Variants in SNX25 observed in about 807,000 individuals in gnomAD.
SNX25 encodes sorting nexin 25.
A neutral mutation model predicts 113.7 loss-of-function variants in SNX25; 62 were observed. The ratio of observed to expected loss-of-function variants is 0.55; its 90% confidence interval spans 0.44 to 0.67. The LOEUF is 0.67. SNX25 is among the 30% of genes least tolerant of loss of function. The pLI is 0.00. For synonymous variants in SNX25, 421 were observed against 436.2 expected, an observed-to-expected ratio of 0.97 and a Z score of 0.43; for missense variants, 1,014 against 1,161.0, an observed-to-expected ratio of 0.87 and a Z score of 1.84.
chr4:185,236,869 G>A (rs1306251758), intron 1 of SNX25, among the ~76,000 whole-genome samples: 1 of 152,132 alleles, frequency 6.6e-6, no homozygotes, highest in Non-Finnish European at 1.5e-5. Flanking sequence ...AAAGTAACTT[G>A]CCCAAGGTTA....
chr4:185,369,271 T>G (rs1461355650), intron 11 of SNX25, among the ~76,000 whole-genome samples: 1 of 132,830 alleles, frequency 7.5e-6, no homozygotes, highest in African/African-American at 3.0e-5. Flanking sequence ...CAGGCTGGAG[T>G]GCAGTGGTGT....
chr4:185,342,203 T>C, intron 12 of SNX25, 87 bp downstream of exon 12: 1 of 1,389,380 alleles, frequency 7.2e-7, no homozygotes, highest in Non-Finnish European at 9.5e-7. Context: ...ATTAATCTTC[T>C]TCCTTTGCTG....
the SNX25 span, chr4:185,377,060 T>C: frequency 2.5e-5 from 34 of 1,351,128 alleles, no homozygotes; most frequent in Middle Eastern, 1.8e-4. Flanking sequence ...CCACACAATA[T>C]GAATTTTCTC....
chr4:185,261,403 C>T (rs529556396), intron 3 of SNX25, among the ~76,000 whole-genome samples: 2 of 152,228 alleles, frequency 1.3e-5, no homozygotes, highest in South Asian at 4.1e-4. Context: ...TCTCGAACTC[C>T]TGACCTCAAG....
chr4:185,357,182 G>A (rs1476314986), intron 15 of SNX25, among the ~76,000 whole-genome samples: 1 of 152,176 alleles, frequency 6.6e-6, no homozygotes, highest in African/African-American at 2.4e-5. Context: ...CAAATGCGTA[G>A]TATATATAAA....
the SNX25 span, chr4:185,377,230 AATACTGGCC>A: frequency 2.0e-6 from 1 of 512,544 alleles, no homozygotes; most frequent in Non-Finnish European, 3.5e-6. Context: ...GTAATAAAGC[AATACTGGCC>A]GGGCGCGGTG....
At chr4:185,227,975 A>G (rs936595537) in intron 1 of SNX25, among the ~76,000 whole-genome samples, 3 of 152,098 alleles carry the variant, frequency 2.0e-5, no homozygotes, top group Admixed American at 1.3e-4. Context: ...AGATGAAGAG[A>G]GAAGCTCAGA....
chr4:185,297,258 A>C (rs1752966574), intron 6 of SNX25, among the ~76,000 whole-genome samples: 1 of 152,232 alleles, frequency 6.6e-6, no homozygotes, highest in South Asian at 2.1e-4. Context: ...CCACATTTCA[A>C]GTACTCAGTA....
At position 185,362,705 on chromosome 4, in the gene SNX25, G is replaced by A; in HGVS notation, c.2928G>A (p.Leu976=). Residue 976 remains leucine, a synonymous_variant, in exon 18 of 19, where the codon CTG becomes CTA. Coordinates refer to ENST00000652585, the MANE Select transcript of SNX25 (RefSeq NM_001378034.2). ...ALQETRANKH[L]LYALMELLLI... Reference sequence around the variant, plus strand: ...AAGAAACAAGAGCCAACAAGCATCTGTTATATGTGAGTAAATTAAAGCCCA... The same window carrying A: ...AAGAAACAAGAGCCAACAAGCATCTATTATATGTGAGTAAATTAAAGCCCA... The A allele has an allele frequency of 6.2e-7, 1 of 1,612,432 alleles. No individual in the cohort carries two copies. The highest frequency in any genetic ancestry group is 2.2e-5 in the East Asian group (1 of 44,848).
rs1742342900 is a variant in SNX25 at position 185,234,591 on chromosome 4, AG to A, written c.430-12702del. ...CAGCTACTCGGGAGGCTGAGGCAGG[AG>A]AATGGCGTGAACCCAGGAGGCGGAG... On this transcript the variant is annotated intron_variant, in intron 1 of 18. Coordinates refer to ENST00000652585, the MANE Select transcript of SNX25 (RefSeq NM_001378034.2). 5.2e-5 allele frequency among the ~76,000 whole-genome samples: 2 copies of A among 38,206 alleles called. 1 individual carries two copies. Among genetic ancestry groups the A allele is most frequent in the Non-Finnish European group, 1.2e-4 (2 of 16,454 alleles). The allele number at this position is 38,206 out of a possible 152,430, so 25.1% of individuals were successfully genotyped here. A position where few individuals can be genotyped will look rare whatever the true frequency, so the allele number is the denominator to read the frequency against.
At chr4:185,223,719 T>TG (rs1740380282) in intron 1 of SNX25, among the ~76,000 whole-genome samples, 1 of 148,496 alleles carries the variant, frequency 6.7e-6, no homozygotes, top group Non-Finnish European at 1.5e-5. Context: ...AGGCAGAGCT[T>TG]GCAGTGAGCC....
chr4:185,267,069 G>T lies in SNX25; in HGVS notation c.1005G>T (p.Lys335Asn), dbSNP rs749498377. The T allele has an allele frequency of 6.8e-6, 11 of 1,613,878 alleles. No individual in the cohort carries two copies. In the South Asian group the frequency reaches 1.2e-4, roughly 18 times the overall value. ...GAGAGCAAATGAATGAGCATCACAAGAGAGCCTACACCTATGCCCCCTCTT... is the reference window on the plus strand; with the variant it reads ...GAGAGCAAATGAATGAGCATCACAATAGAGCCTACACCTATGCCCCCTCTT... ...AYREQMNEHH[K>N]RAYTYAPSYE... Residue 335 changes from lysine (K) to asparagine (N), a missense_variant, in exon 5 of 19, where the codon AAG becomes AAT. Coordinates refer to ENST00000652585, the MANE Select transcript of SNX25 (RefSeq NM_001378034.2).
chr4:185,263,163 C>T lies in SNX25; in HGVS notation c.732-1275C>T, dbSNP rs551675991. On this transcript the variant is annotated intron_variant, in intron 3 of 18. Transcript: ENST00000652585. ...TTTATTATCTGCCTTCCACTGTTAACGGAGAAGGGACTGTGTACCGTTTGA... is the reference window on the plus strand; with the variant it reads ...TTTATTATCTGCCTTCCACTGTTAATGGAGAAGGGACTGTGTACCGTTTGA... Among the ~76,000 whole-genome samples the T allele has an allele frequency of 1.6e-4, 25 of 152,202 alleles. No individual in the cohort carries two copies. In the South Asian group the frequency reaches 4.4e-3, roughly 26 times the overall value.
chr4:185,266,871 A>G, intron 4 of SNX25, 98 bp from the exon 5 acceptor site: 1 of 1,251,528 alleles, frequency 8.0e-7, no homozygotes, highest in Non-Finnish European at 1.1e-6. Flanking sequence ...GACTACTTGA[A>G]AAATGTTTCC....
At chr4:185,348,866 C>A (rs2095301357) in intron 13 of SNX25, among the ~76,000 whole-genome samples, 1 of 152,178 alleles carries the variant, frequency 6.6e-6, no homozygotes, top group Admixed American at 6.5e-5. Context: ...TCTCTCCCAT[C>A]CTTTCCTCCC....
At chr4:185,378,464 G>T in the SNX25 span, 5 of 1,225,558 alleles carry the variant, frequency 4.1e-6, no homozygotes, top group Non-Finnish European at 4.1e-6. Flanking sequence ...TGCACGTCCT[G>T]TCTGGCTATG....
At chr4:185,327,743 T>A (rs928025315) in intron 9 of SNX25, among the ~76,000 whole-genome samples, 4 of 152,200 alleles carry the variant, frequency 2.6e-5, no homozygotes, top group Non-Finnish European at 5.9e-5. Context: ...GATTAGAAGT[T>A]AGGGTATTTC....
chr4:185,245,345 CT>C (rs1275084797), intron 1 of SNX25, among the ~76,000 whole-genome samples: 4 of 148,916 alleles, frequency 2.7e-5, no homozygotes, highest in African/African-American at 4.9e-5. Flanking sequence ...CAAGCAGTAT[CT>C]TTTTTTTTTC....
chr4:185,275,110 G>C (rs1749480421), intron 5 of SNX25, among the ~76,000 whole-genome samples: 1 of 152,172 alleles, frequency 6.6e-6, no homozygotes, highest in Non-Finnish European at 1.5e-5. Context: ...GACAGTGATA[G>C]ACTGCCAGAG....
Sources: allele counts gnomAD v4.1 joint callset (sites outside exome capture counted in the v4.1 genomes callset), GRCh38; gene constraint gnomAD v4.1.1; transcripts MANE v1.5; gene names NCBI Gene and HGNC (gene_info 2026-07-23, HGNC 2026-07-21).